The following REXO5 variants were observed in gnomAD, a reference collection of about 807,000 sequenced individuals.
REXO5 encodes the protein exonuclease NEF-sp.
Under a neutral mutation model 88.5 loss-of-function variants are expected in REXO5, and 48 were observed. The ratio of observed to expected loss-of-function variants is 0.54; its 90% CI spans 0.43 to 0.69. The LOEUF (loss-of-function observed/expected upper bound fraction) is 0.69. REXO5 is among the 30% of genes least tolerant of loss of function. The pLI is 0.00. For synonymous variants in REXO5, 311 were observed against 336.5 expected (o/e 0.92, Z 0.83); for missense variants, 749 against 912.2 (o/e 0.82, Z 2.30).
rs752694478 is a variant in REXO5 at position 20,846,267 on chromosome 16, G to C, written c.2171G>C (p.Arg724Pro). 1.9e-6 allele frequency: 3 copies of C among 1,613,918 alleles called. No homozygotes were observed. Among genetic ancestry groups the C allele is most frequent in the Admixed American group, 1.7e-5 (1 of 60,000 alleles). The change falls in exon 19 of 20, where the codon CGG becomes CCG. Residue 724 changes from arginine (R) to proline (P), a missense_variant. Physicochemically the swap from Arg to Pro is moderately radical, Grantham distance 103. Coordinates refer to ENST00000261377, the MANE Select transcript of REXO5 (RefSeq NM_030941.3). Reference protein sequence around the residue: ...HPKIAAWRWSRKIGKLYNSLC... With the variant: ...HPKIAAWRWSPKIGKLYNSLC... The stretch of plus-strand genomic sequence containing the variant: ...AAGATAGCAGCCTGGCGCTGGAGCC[G>C]GAAGATTGGAAAGCTCTACAACAGC...
chr16:20,816,807 C>A (rs2081088063), intron 5 of REXO5, among the ~76,000 whole-genome samples: 2 of 152,190 alleles, frequency 1.3e-5, no homozygotes, highest in South Asian at 4.1e-4. Flanking sequence ...AATTTCTAAA[C>A]TGTCACTGGG....
At chr16:20,807,260 A>G in intron 2 of REXO5, 169 bp downstream of exon 2, 1 of 764,338 alleles carries the variant, frequency 1.3e-6, no homozygotes, top group Non-Finnish European at 2.1e-6. Flanking sequence ...CCTTCCTGCA[A>G]CAAGGCTGTC....
chr16:20,816,020 C>T, intron 4 of REXO5, 96 bp from the exon 5 acceptor site: 1 of 932,848 alleles, frequency 1.1e-6, no homozygotes, highest in Non-Finnish European at 1.7e-6. Context: ...CTGTCTAGAA[C>T]TTTCAAAGCA....
chr16:20,806,977 CGA>C lies in REXO5; in HGVS notation c.29_30del (p.Arg10ThrfsTer14). The C allele has an allele frequency of 6.3e-7, 1 of 1,597,164 alleles. No homozygotes were observed. Among genetic ancestry groups the C allele is most frequent in the African/African-American group, 1.3e-5 (1 of 74,808 alleles). MEPEREGT[E>X]RHPRKVRESR... is the part of the protein sequence containing the mutation. ...CCATGGAGCCAGAGAGGGAAGGGACCGAGAGACACCCCAGGAAGGTCAGGGAA... is the reference window on the plus strand; with the variant it reads ...CCATGGAGCCAGAGAGGGAAGGGACCGAGACACCCCAGGAAGGTCAGGGAA... On this transcript the variant is annotated frameshift_variant, in exon 2 of 20. Coordinates refer to ENST00000261377, the MANE Select transcript of REXO5 (RefSeq NM_030941.3). LOFTEE classifies it high-confidence loss of function.
At chr16:20,840,872 A>T (rs1234791854) in intron 15 of REXO5, among the ~76,000 whole-genome samples, 1 of 152,200 alleles carries the variant, frequency 6.6e-6, no homozygotes, top group Non-Finnish European at 1.5e-5. Context: ...CATTTCTCAA[A>T]TACCAGGCCA....
intron 14 of REXO5, 100 bp from the exon 15 acceptor site, chr16:20,840,231 A>G (rs534307609): frequency 2.3e-5 from 24 of 1,059,664 alleles, no homozygotes; most frequent in Middle Eastern, 3.3e-4. Context: ...AAGTATTTAT[A>G]TCAAAAAAAT....
At chr16:20,834,424 G>T (rs1485153469) in intron 13 of REXO5, among the ~76,000 whole-genome samples, 2 of 152,124 alleles carry the variant, frequency 1.3e-5, no homozygotes, top group African/African-American at 4.8e-5. Context: ...TGAGCCACCA[G>T]GCTCGGCCAA....
chr16:20,847,655 GA>G (rs764505313), intron 19 of REXO5, among the ~76,000 whole-genome samples: 5 of 151,902 alleles, frequency 3.3e-5, no homozygotes, highest in Admixed American at 6.6e-5. Flanking sequence ...ACATTGAGGG[GA>G]AAAAAAATCT....
rs776280803 is a variant in REXO5, at chr16:20,813,179, A to C, written c.139-11A>C. ...AATAATGGCTTGCTACGCCCTGATT[A>C]ATCTTTGCAGAAAGCCCGCTTATCT... is the stretch of plus-strand genomic sequence containing the variant. On this transcript the variant is annotated splice_polypyrimidine_tract_variant and intron_variant, in intron 2 of 19. Coordinates refer to ENST00000261377, the MANE Select transcript of REXO5 (RefSeq NM_030941.3). 4 of 1,569,424 alleles carry C rather than the reference A, an allele frequency of 2.5e-6. No individual in the cohort carries two copies. The African/African-American group carries it at 5.4e-5, about 21-fold the overall frequency.
rs547741435 is a variant in REXO5, at chr16:20,813,219, T to G, written c.168T>G (p.Thr56=). The G allele has an allele frequency of 1.9e-6, 3 of 1,613,960 alleles. No homozygotes were observed. The Admixed American group carries it at 5.0e-5, about 27-fold the overall frequency. ...CCCGCTTATCTACCATTTTATTTAC[T>G]GACAACTGTGAAGTAACCCATGACC... ...KKARLSTILF[T]DNCEVTHDQL... Residue 56 remains threonine, a synonymous_variant, in exon 3 of 20, where the codon ACT becomes ACG. Transcript: ENST00000261377.
chr16:20,821,703 A>G, intron 5 of REXO5, 59 bp from the exon 6 acceptor site: 1 of 1,479,158 alleles, frequency 6.8e-7, no homozygotes, highest in Non-Finnish European at 9.0e-7. Context: ...CTTAGGAGAC[A>G]TTTCTTCTAG....
chr16:20,808,612 ATTTT>A (rs751042762), intron 2 of REXO5, among the ~76,000 whole-genome samples: 13 of 108,418 alleles, frequency 1.2e-4, no homozygotes, highest in African/African-American at 3.3e-4. Flanking sequence ...TAGGGATGTG[ATTTT>A]TTTTTTTTTT....
intron 4 of REXO5, 138 bp from the exon 5 acceptor site, chr16:20,815,978 A>G (rs2081075303): frequency 1.1e-5 from 7 of 654,634 alleles, no homozygotes; most frequent in East Asian, 2.6e-5. Flanking sequence ...TATATTAAGG[A>G]AACAGTTCTT....
At chr16:20,840,249 G>C (rs2081506004) in intron 14 of REXO5, 82 bp from the exon 15 acceptor site, 1 of 1,233,934 alleles carries the variant, frequency 8.1e-7, no homozygotes, top group African/African-American at 1.5e-5. Flanking sequence ...AATCTTTGGT[G>C]AATAATCCCA....
At chr16:20,825,699 C>T in intron 7 of REXO5, 134 bp from the exon 8 acceptor site, 1 of 633,560 alleles carries the variant, frequency 1.6e-6, no homozygotes, top group South Asian at 2.0e-5. Flanking sequence ...ACTAGATCCT[C>T]TAGAAAGCAA....
At chr16:20,845,938 C>T (rs2269863) in intron 18 of REXO5, among the ~76,000 whole-genome samples, 64,851 of 151,894 alleles carry the variant, frequency 0.43, 16,378 homozygotes, top group Non-Finnish European at 0.58. Context: ...GACTAGACCC[C>T]TCATCAGCAA....
chr16:20,849,138 A>G (rs1400995059), intron 19 of REXO5, among the ~76,000 whole-genome samples: 2 of 152,244 alleles, frequency 1.3e-5, no homozygotes, highest in Non-Finnish European at 2.9e-5. Flanking sequence ...CCTGTGAGAT[A>G]GTAATTTAAA....
At chr16:20,830,366 T>G (rs1371714612) in intron 11 of REXO5, among the ~76,000 whole-genome samples, 1 of 151,728 alleles carries the variant, frequency 6.6e-6, no homozygotes, top group East Asian at 1.9e-4. Flanking sequence ...TTTTTTTTTT[T>G]TGTATTTTTA....
intron 16 of REXO5, 105 bp downstream of exon 16, chr16:20,844,131 C>A (rs1251130796): frequency 4.4e-6 from 3 of 683,112 alleles, no homozygotes; most frequent in Non-Finnish European, 7.7e-6. Flanking sequence ...GGCCCACGCA[C>A]AAGACTTTGT....
Sources: allele counts gnomAD v4.1 joint callset (sites outside exome capture counted in the v4.1 genomes callset), GRCh38; gene constraint gnomAD v4.1.1; transcripts MANE v1.5; gene names NCBI Gene and HGNC (gene_info 2026-07-23, HGNC 2026-07-21).